Variants in PPFIA2 observed in about 807,000 individuals in gnomAD.
The protein encoded by PPFIA2 is liprin-alpha-2.
In PPFIA2, 46 loss-of-function variants were observed where a neutral mutation model predicts 175.5. The observed-to-expected ratio is 0.26, with a 90% CI of 0.21 to 0.34. The LOEUF (loss-of-function observed/expected upper bound fraction) is 0.34. PPFIA2 is among the 10% of genes least tolerant of loss of function. The pLI, the probability that PPFIA2 is intolerant of heterozygous loss-of-function variation, is 1.00. For synonymous variants in PPFIA2, 568 were observed against 511.4 expected (o/e 1.11, Z -1.49); for missense variants, 1,179 against 1,506.1 (o/e 0.78, Z 3.60).
chr12:81,516,492 T>C (rs1174565792), intron 4 of PPFIA2, among the ~76,000 whole-genome samples: 1 of 152,192 alleles, frequency 6.6e-6, no homozygotes, highest in Non-Finnish European at 1.5e-5. Flanking sequence ...ATAGGGTCTT[T>C]GCAGACGTTA....
chr12:81,566,805 T>G (rs557723832), intron 4 of PPFIA2, among the ~76,000 whole-genome samples: 1 of 152,182 alleles, frequency 6.6e-6, no homozygotes, highest in Admixed American at 6.5e-5. Context: ...ACAAGATACA[T>G]GTGCAACTGA....
At chr12:81,409,319 G>A (rs1300034736) in intron 7 of PPFIA2, among the ~76,000 whole-genome samples, 1 of 152,146 alleles carries the variant, frequency 6.6e-6, no homozygotes, top group African/African-American at 2.4e-5. Flanking sequence ...TGGTTTAAAT[G>A]TTCCCTCCAA....
rs918528124 is a variant in PPFIA2, at chr12:81,681,892, C to T, written c.250-5048G>A. Among the ~76,000 whole-genome samples, 11 of 152,108 alleles carry T rather than the reference C, an allele frequency of 7.2e-5. No homozygotes were observed. The East Asian group carries it at 1.7e-3, about 24-fold the overall frequency. On this transcript the variant is annotated intron_variant, in intron 3 of 32. Transcript: ENST00000549396. ...AAATTCTAAAGAGTTAGTTGACTCT[C>T]GCATCGCATATCCCACAAGACCCAA...
intron 4 of PPFIA2, among the ~76,000 whole-genome samples, chr12:81,572,795 G>T (rs2153416112): frequency 6.6e-6 from 1 of 151,990 alleles, no homozygotes; most frequent in East Asian, 1.9e-4. Flanking sequence ...CTGATTTCAG[G>T]TCTAAAGAAG....
chr12:81,391,767 CA>C (rs1328865909), intron 8 of PPFIA2, among the ~76,000 whole-genome samples: 1 of 151,836 alleles, frequency 6.6e-6, no homozygotes, highest in African/African-American at 2.4e-5. Context: ...GAAAAGAAAG[CA>C]TTGAGCTAAA....
At chr12:81,688,495 C>T (rs1461251765) in intron 3 of PPFIA2, among the ~76,000 whole-genome samples, 1 of 151,404 alleles carries the variant, frequency 6.6e-6, no homozygotes, top group East Asian at 1.9e-4. Context: ...TCCTATCTGA[C>T]ACAAAATGCA....
intron 15 of PPFIA2, among the ~76,000 whole-genome samples, chr12:81,362,419 A>G (rs1294709909): frequency 6.6e-6 from 1 of 151,166 alleles, no homozygotes; most frequent in Non-Finnish European, 1.5e-5. Flanking sequence ...CAATTTCTTC[A>G]ATTAAGAATC....
chr12:81,459,380 A>G (rs2054132189), intron 4 of PPFIA2, among the ~76,000 whole-genome samples: 1 of 152,114 alleles, frequency 6.6e-6, no homozygotes, highest in Non-Finnish European at 1.5e-5. Flanking sequence ...CATTATTAAC[A>G]TGTAGGCATT....
rs201401186 is a variant in PPFIA2, at chr12:81,533,754, C to CAT, written c.304-75890_304-75889dup. Among the ~76,000 whole-genome samples, 114 of 145,260 alleles carry CAT rather than the reference C, an allele frequency of 7.8e-4. 2 individuals are homozygous for CAT. In the East Asian group the frequency reaches 0.02, roughly 25 times the overall value. On this transcript the variant is annotated intron_variant, in intron 4 of 32. Coordinates refer to ENST00000549396, the MANE Select transcript of PPFIA2 (RefSeq NM_003625.5). Reference sequence around the variant, plus strand: ...ATCTATCTATATATCTATCTATCTACATATATATATACACATTTGTGTATA... The same window carrying CAT: ...ATCTATCTATATATCTATCTATCTACATATATATATATACACATTTGTGTATA...
intron 23 of PPFIA2, among the ~76,000 whole-genome samples, chr12:81,296,087 C>T (rs186493410): frequency 9.2e-5 from 14 of 152,208 alleles, no homozygotes; most frequent in Non-Finnish European, 1.6e-4. Flanking sequence ...GACTGGATTG[C>T]CTGAGCTTAG....
At chr12:81,487,544 G>A (rs1451655525) in intron 4 of PPFIA2, among the ~76,000 whole-genome samples, 3 of 151,426 alleles carry the variant, frequency 2.0e-5, no homozygotes, top group Non-Finnish European at 4.4e-5. Context: ...AGGGTGGGAG[G>A]GCCTTGTCAC....
chr12:81,433,319 G>T (rs2048423150), intron 7 of PPFIA2, among the ~76,000 whole-genome samples: 1 of 152,066 alleles, frequency 6.6e-6, no homozygotes, highest in Admixed American at 6.6e-5. Flanking sequence ...GTCTTTTTAG[G>T]TTGAAGTCTT....
At chr12:81,535,343 T>C in intron 4 of PPFIA2, 1 of 452,656 alleles carries the variant, frequency 2.2e-6, no homozygotes, top group Non-Finnish European at 4.4e-6. Context: ...TGGGAACTCT[T>C]GATTATTGGC....
chr12:81,719,237 G>T lies in PPFIA2; in HGVS notation c.249+34736C>A, dbSNP rs1174395860. On this transcript the variant is annotated intron_variant, in intron 3 of 32. Coordinates refer to ENST00000549396, the MANE Select transcript of PPFIA2 (RefSeq NM_003625.5). The stretch of plus-strand genomic sequence containing the variant: ...GTGGGTTCAGCCCTCTGTTGTTGGT[G>T]TTGTTCAATGTATAGTAACTATACC... Among the ~76,000 whole-genome samples, 3 of 151,498 alleles carry T rather than the reference G, an allele frequency of 2.0e-5. No individual in the cohort carries two copies. In the East Asian group the frequency reaches 5.8e-4, roughly 29 times the overall value.
chr12:81,721,060 AT>A (rs1380521546), intron 3 of PPFIA2, among the ~76,000 whole-genome samples: 2 of 150,642 alleles, frequency 1.3e-5, no homozygotes, highest in Non-Finnish European at 3.0e-5. Flanking sequence ...AAATGGATGA[AT>A]GATAGCGTCC....
intron 4 of PPFIA2, among the ~76,000 whole-genome samples, chr12:81,619,485 G>T (rs919607183): frequency 6.6e-6 from 1 of 151,966 alleles, no homozygotes; most frequent in Admixed American, 6.6e-5. Flanking sequence ...TCTTCACTTG[G>T]TATCAATTTA....
At chr12:81,332,058 A>G (rs1470424995) in intron 21 of PPFIA2, among the ~76,000 whole-genome samples, 1 of 152,108 alleles carries the variant, frequency 6.6e-6, no homozygotes, top group Admixed American at 6.6e-5. Context: ...TCTTCTCCAT[A>G]CACTATCATC....
intron 2 of PPFIA2, 58 bp from the exon 3 acceptor site, chr12:81,754,281 T>C: frequency 6.6e-7 from 1 of 1,524,972 alleles, no homozygotes; most frequent in South Asian, 1.2e-5. Flanking sequence ...AATAATTTCA[T>C]TTGGAGAGCA....
chr12:81,661,311 G>A (rs912010026), intron 4 of PPFIA2, among the ~76,000 whole-genome samples: 26 of 152,174 alleles, frequency 1.7e-4, no homozygotes, highest in Non-Finnish European at 2.9e-4. Context: ...CCCATCTCAC[G>A]TGCAGAGACA....
Sources: gnomAD v4.1 joint callset for allele counts (sites outside exome capture counted in the v4.1 genomes callset) on GRCh38, gnomAD v4.1.1 for gene constraint, MANE v1.5 for transcripts, NCBI Gene and HGNC (gene_info 2026-07-23, HGNC 2026-07-21) for gene names.